Variants in ADGRB3 observed in about 807,000 individuals in gnomAD.
The protein encoded by ADGRB3 is adhesion G protein-coupled receptor B3, also known as brain-specific angiogenesis inhibitor 3.
In ADGRB3, 37 loss-of-function variants were observed where a neutral mutation model predicts 193.4. That is an observed-to-expected ratio of 0.19 (90% CI 0.15 to 0.25). ADGRB3 has a LOEUF of 0.25. ADGRB3 is among the 10% of genes least tolerant of loss of function. The pLI, the probability that ADGRB3 is intolerant of heterozygous loss-of-function variation, is 1.00. For missense variants in ADGRB3, 1,637 were observed against 1,852.9 expected (o/e 0.88, Z 2.14); for synonymous variants, 690 against 644.2 (o/e 1.07, Z -1.08).
chr6:68,821,587 TAA>T (rs952084724), intron 3 of ADGRB3, among the ~76,000 whole-genome samples: 1 of 148,940 alleles, frequency 6.7e-6, no homozygotes, highest in Non-Finnish European at 1.5e-5. Context: ...TTTGTTTCTA[TAA>T]AAAAAAAATT....
chr6:69,214,771 G>T lies in ADGRB3; in HGVS notation c.2481-18519G>T, dbSNP rs549799388. Reference sequence around the variant, plus strand: ...GTAATTGTGGTTTTTACCATTAAAAGTAATGGCAAAAACCACAATTACATT... The same window carrying T: ...GTAATTGTGGTTTTTACCATTAAAATTAATGGCAAAAACCACAATTACATT... On this transcript the variant is annotated intron_variant, in intron 17 of 31. Transcript: ENST00000370598. Among the ~76,000 whole-genome samples the T allele has an allele frequency of 2.6e-5, 4 of 151,428 alleles. No individual in the cohort carries two copies. In the East Asian group the frequency reaches 7.9e-4, roughly 30 times the overall value.
intron 28 of ADGRB3, among the ~76,000 whole-genome samples, chr6:69,357,591 G>A (rs902335169): frequency 1.3e-5 from 2 of 151,900 alleles, no homozygotes; most frequent in Admixed American, 1.3e-4. Flanking sequence ...GGAGCTTTCA[G>A]ATTCAACTCA....
chr6:68,758,229 A>G (rs535011292), intron 3 of ADGRB3, among the ~76,000 whole-genome samples: 10 of 152,224 alleles, frequency 6.6e-5, no homozygotes, highest in Admixed American at 1.3e-4. Context: ...TGAAGAGCTC[A>G]ATAAACAGCT....
intron 3 of ADGRB3, among the ~76,000 whole-genome samples, chr6:68,699,684 G>C (rs143893521): frequency 6.6e-6 from 1 of 151,800 alleles, no homozygotes; most frequent in African/African-American, 2.4e-5. Flanking sequence ...AGAGCTCTTA[G>C]AGTGACATAA....
chr6:69,056,551 A>C (rs1219104113), intron 15 of ADGRB3, among the ~76,000 whole-genome samples: 1 of 152,080 alleles, frequency 6.6e-6, no homozygotes, highest in Admixed American at 6.5e-5. Flanking sequence ...CTCCAAGTTC[A>C]ATGATTTGAA....
At chr6:68,685,828 G>A (rs1764973712) in intron 3 of ADGRB3, among the ~76,000 whole-genome samples, 1 of 152,102 alleles carries the variant, frequency 6.6e-6, no homozygotes, top group East Asian at 1.9e-4. Context: ...GAGGGGCGGA[G>A]GTTGCAGTGA....
chr6:69,228,730 C>G (rs2127254566), intron 17 of ADGRB3, among the ~76,000 whole-genome samples: 1 of 152,222 alleles, frequency 6.6e-6, no homozygotes, highest in East Asian at 1.9e-4. Flanking sequence ...AATATTAGAT[C>G]TTTAAATCTT....
At chr6:68,717,590 G>C in intron 3 of ADGRB3, among the ~76,000 whole-genome samples, 1 of 151,552 alleles carries the variant, frequency 6.6e-6, no homozygotes, top group East Asian at 1.9e-4. Context: ...CCTGTACTGG[G>C]AAAGCGCTGG....
intron 3 of ADGRB3, among the ~76,000 whole-genome samples, chr6:68,923,142 A>C (rs542337295): frequency 4.6e-5 from 7 of 152,144 alleles, no homozygotes; most frequent in Non-Finnish European, 1.0e-4. Flanking sequence ...TGTGTATAAA[A>C]GATACTATTT....
chr6:69,262,325 G>A (rs1766947095), intron 20 of ADGRB3, among the ~76,000 whole-genome samples: 1 of 151,980 alleles, frequency 6.6e-6, no homozygotes, highest in South Asian at 2.1e-4. Context: ...AAGTCACTCA[G>A]TAAAGAGATA....
At chr6:69,135,478 T>G (rs1774124258) in intron 17 of ADGRB3, among the ~76,000 whole-genome samples, 1 of 152,056 alleles carries the variant, frequency 6.6e-6, no homozygotes, top group South Asian at 2.1e-4. Flanking sequence ...TCAGAATAAA[T>G]GTACTGTCGT....
At chr6:69,172,826 C>T (rs1203031050) in intron 17 of ADGRB3, among the ~76,000 whole-genome samples, 2 of 151,742 alleles carry the variant, frequency 1.3e-5, no homozygotes, top group Admixed American at 6.6e-5. Context: ...AACAAGGAGC[C>T]GATCACAGGA....
At chr6:69,044,677 A>T (rs2150300455) in intron 13 of ADGRB3, among the ~76,000 whole-genome samples, 1 of 152,316 alleles carries the variant, frequency 6.6e-6, no homozygotes, top group South Asian at 2.1e-4. Flanking sequence ...GCAAAATGGA[A>T]GTGCAGCTGG....
chr6:69,064,261 G>C (rs1305384044), intron 16 of ADGRB3, among the ~76,000 whole-genome samples: 1 of 151,518 alleles, frequency 6.6e-6, no homozygotes, highest in Non-Finnish European at 1.5e-5. Flanking sequence ...AAGATCATTT[G>C]ATATTTAAAC....
At chr6:69,174,286 A>G (rs139751984) in intron 17 of ADGRB3, among the ~76,000 whole-genome samples, 27 of 152,106 alleles carry the variant, frequency 1.8e-4, no homozygotes, top group Non-Finnish European at 2.6e-4. Flanking sequence ...CCCATTGTCT[A>G]TTATTGCCAT....
intron 3 of ADGRB3, among the ~76,000 whole-genome samples, chr6:68,827,934 C>A (rs1178586175): frequency 1.3e-5 from 2 of 152,170 alleles, no homozygotes; most frequent in Non-Finnish European, 2.9e-5. Flanking sequence ...TTCAGGCCTT[C>A]ATAGCACTTC....
At chr6:69,105,125 A>G (rs1442559665) in intron 17 of ADGRB3, among the ~76,000 whole-genome samples, 1 of 152,218 alleles carries the variant, frequency 6.6e-6, no homozygotes, top group Admixed American at 6.5e-5. Context: ...TCTCAATTGC[A>G]AGAAATGTTT....
chr6:68,740,592 A>T (rs1429273418), intron 3 of ADGRB3, among the ~76,000 whole-genome samples: 7 of 152,228 alleles, frequency 4.6e-5, no homozygotes, highest in Non-Finnish European at 8.8e-5. Flanking sequence ...ACTAAGAATG[A>T]AGCATATATT....
chr6:69,234,933 A>G (rs779091110), intron 18 of ADGRB3, 99 bp from the exon 19 acceptor site: 68 of 860,860 alleles, frequency 7.9e-5, no homozygotes, highest in Non-Finnish European at 1.2e-4. Flanking sequence ...ACAACTATAT[A>G]GGCTATTTTT....
Sources: gnomAD v4.1 joint callset for allele counts (sites outside exome capture counted in the v4.1 genomes callset) on GRCh38, gnomAD v4.1.1 for gene constraint, MANE v1.5 for transcripts, NCBI Gene and HGNC (gene_info 2026-07-23, HGNC 2026-07-21) for gene names.